The following ARHGAP31 variants were observed in gnomAD, a reference collection of about 807,000 sequenced individuals.
ARHGAP31 encodes the protein rho GTPase-activating protein 31.
A neutral mutation model predicts 113.9 loss-of-function variants in ARHGAP31; 34 were observed. That is an observed-to-expected ratio of 0.30 (90% CI 0.23 to 0.40). The LOEUF is 0.40. ARHGAP31 is among the 10% of genes least tolerant of loss of function. ARHGAP31 has a pLI of 1.00. For synonymous variants in ARHGAP31, 650 were observed against 684.8 expected (o/e 0.95, Z 0.79); for missense variants, 1,548 against 1,767.1 (o/e 0.88, Z 2.22).
chr3:119,313,382 C>T (rs1376697428), intron 1 of ARHGAP31, among the ~76,000 whole-genome samples: 2 of 152,114 alleles, frequency 1.3e-5, no homozygotes, highest in African/African-American at 4.8e-5. Context: ...TTACAAGTTC[C>T]TGTAAGATTT....
intron 8 of ARHGAP31, among the ~76,000 whole-genome samples, chr3:119,397,207 G>A (rs1315999232): frequency 6.6e-6 from 1 of 152,184 alleles, no homozygotes; most frequent in Non-Finnish European, 1.5e-5. Context: ...GGAATGCTTG[G>A]GGACTGTCCA....
intron 1 of ARHGAP31, 34 bp downstream of exon 1, chr3:119,295,038 C>T (rs562669979): frequency 5.0e-6 from 8 of 1,599,456 alleles, no homozygotes; most frequent in Admixed American, 3.3e-5. Flanking sequence ...CCCGCCCCCA[C>T]CTTCTTTTTG....
At chr3:119,332,143 T>C (rs1393289507) in intron 1 of ARHGAP31, among the ~76,000 whole-genome samples, 1 of 152,148 alleles carries the variant, frequency 6.6e-6, no homozygotes, top group Non-Finnish European at 1.5e-5. Flanking sequence ...TCAACCATTC[T>C]CCAAATGAGC....
At position 119,409,784 on chromosome 3, in the gene ARHGAP31, GC is replaced by G; in HGVS notation, c.1926+9del. 1 of 1,593,788 alleles carries G rather than the reference GC, an allele frequency of 6.3e-7. No individual in the cohort carries two copies. Among genetic ancestry groups the G allele is most frequent in the Non-Finnish European group, 8.5e-7 (1 of 1,170,616 alleles). On this transcript the variant is annotated intron_variant, in intron 11 of 11. Transcript: ENST00000264245. ...GTGCTTCTCCATGAGATGGTAAAGT[GC>G]ATTCTCCACCTGCTCCAGCCAGGTG...
chr3:119,373,354 A>G (rs1363292238), intron 3 of ARHGAP31, among the ~76,000 whole-genome samples: 1 of 152,214 alleles, frequency 6.6e-6, no homozygotes, highest in African/African-American at 2.4e-5. Flanking sequence ...GTATCAATAT[A>G]TTAGAATAAT....
At chr3:119,399,578 A>C (rs1292358182) in intron 9 of ARHGAP31, among the ~76,000 whole-genome samples, 2 of 152,252 alleles carry the variant, frequency 1.3e-5, no homozygotes, top group East Asian at 1.9e-4. Context: ...AAGGCAGAAG[A>C]GTCTTCCCCT....
At position 119,415,211 on chromosome 3, in the gene ARHGAP31, G is replaced by A; in HGVS notation, c.3282G>A (p.Glu1094=). The change falls in exon 12 of 12, where the codon GAG becomes GAA. Residue 1094 remains glutamate, a synonymous_variant. Transcript: ENST00000264245. ...HPAKLQLKST[E]CGPPKGKNRP... ...CAAAGTTACAGCTAAAGAGCACAGA[G>A]TGTGGGCCCCCAAAAGGGAAAAACA... is the stretch of plus-strand genomic sequence containing the variant. The A allele has an allele frequency of 6.2e-7, 1 of 1,614,202 alleles. No homozygotes were observed. The highest frequency in any genetic ancestry group is 8.5e-7 in the Non-Finnish European group (1 of 1,180,036).
chr3:119,401,721 G>T, intron 9 of ARHGAP31, 101 bp from the exon 10 acceptor site: 1 of 1,085,506 alleles, frequency 9.2e-7, no homozygotes, highest in Non-Finnish European at 1.4e-6. Flanking sequence ...AGAATGCTGT[G>T]CCTCTCTAGT....
chr3:119,364,315 G>T (rs2080235672), intron 1 of ARHGAP31, among the ~76,000 whole-genome samples: 1 of 151,512 alleles, frequency 6.6e-6, no homozygotes, highest in South Asian at 2.1e-4. Flanking sequence ...CGACATTCTG[G>T]CAGATTTTCT....
intron 3 of ARHGAP31, among the ~76,000 whole-genome samples, chr3:119,374,499 T>C (rs2080330543): frequency 6.6e-6 from 1 of 152,196 alleles, no homozygotes. Context: ...GGTTTGGCTC[T>C]GTCCCCACCC....
chr3:119,311,435 C>T (rs921826253), intron 1 of ARHGAP31, among the ~76,000 whole-genome samples: 1 of 152,162 alleles, frequency 6.6e-6, no homozygotes, highest in Non-Finnish European at 1.5e-5. Flanking sequence ...ACATTAGGAC[C>T]ACTCAGACAA....
intron 1 of ARHGAP31, among the ~76,000 whole-genome samples, chr3:119,297,187 G>A (rs1047442294): frequency 6.6e-6 from 1 of 152,226 alleles, no homozygotes; most frequent in African/African-American, 2.4e-5. Flanking sequence ...AAACTAGTTG[G>A]ATGGTTTTTT....
At chr3:119,317,613 A>G (rs2079745680) in intron 1 of ARHGAP31, among the ~76,000 whole-genome samples, 1 of 152,184 alleles carries the variant, frequency 6.6e-6, no homozygotes, top group Non-Finnish European at 1.5e-5. Flanking sequence ...TTTTTATGTG[A>G]ACACTAACAA....
intron 4 of ARHGAP31, among the ~76,000 whole-genome samples, chr3:119,381,964 C>G (rs540713802): frequency 3.0e-5 from 4 of 132,894 alleles, no homozygotes; most frequent in Non-Finnish European, 4.6e-5. Flanking sequence ...CCAGCCTGGG[C>G]GACAGAGCGA....
At chr3:119,341,343 A>G (rs1338641669) in intron 1 of ARHGAP31, among the ~76,000 whole-genome samples, 6 of 152,214 alleles carry the variant, frequency 3.9e-5, no homozygotes, top group Admixed American at 1.3e-4. Context: ...TGCTGATGAT[A>G]ATAATAACAG....
At chr3:119,409,856 G>GA (rs202051371) in intron 11 of ARHGAP31, 80 bp downstream of exon 11, 118 of 1,416,450 alleles carry the variant, frequency 8.3e-5, no homozygotes, top group Non-Finnish European at 1.0e-4. Flanking sequence ...AAAGTAAATT[G>GA]AAAAAAAATT....
At chr3:119,369,938 G>A (rs2107625086) in intron 3 of ARHGAP31, among the ~76,000 whole-genome samples, 1 of 150,858 alleles carries the variant, frequency 6.6e-6, no homozygotes, top group African/African-American at 2.4e-5. Flanking sequence ...AGAAATAGGG[G>A]GAGAAATGAA....
At chr3:119,351,039 T>C (rs1030087731) in intron 1 of ARHGAP31, among the ~76,000 whole-genome samples, 3 of 152,112 alleles carry the variant, frequency 2.0e-5, no homozygotes, top group Non-Finnish European at 2.9e-5. Context: ...CAGAAATCAT[T>C]TGGATCCAGA....
intron 1 of ARHGAP31, among the ~76,000 whole-genome samples, chr3:119,357,752 C>T (rs1269304869): frequency 6.6e-6 from 1 of 152,144 alleles, no homozygotes; most frequent in Non-Finnish European, 1.5e-5. Context: ...TCTAACTAAC[C>T]GTTCCCAAAG....
Sources: allele counts gnomAD v4.1 joint callset (sites outside exome capture counted in the v4.1 genomes callset), GRCh38; gene constraint gnomAD v4.1.1; transcripts MANE v1.5; gene names NCBI Gene and HGNC (gene_info 2026-07-23, HGNC 2026-07-21).